The following DAB2IP variants were observed in gnomAD, a reference collection of about 807,000 sequenced individuals.
The protein encoded by DAB2IP is DAB2 interacting protein.
Under a neutral mutation model 107.2 loss-of-function variants are expected in DAB2IP, and 28 were observed. The observed-to-expected ratio is 0.26, with a 90% CI of 0.19 to 0.36. The LOEUF is 0.36. Among genes scored for constraint, DAB2IP ranks in the 10% least tolerant of loss-of-function variants. DAB2IP has a pLI of 1.00. For missense variants in DAB2IP, 1,400 were observed against 1,644.7 expected (o/e 0.85, Z 2.57); for synonymous variants, 755 against 706.4 (o/e 1.07, Z -1.09).
At chr9:121,685,561 T>C (rs1828830494) in intron 2 of DAB2IP, among the ~76,000 whole-genome samples, 1 of 152,234 alleles carries the variant, frequency 6.6e-6, no homozygotes, top group Non-Finnish European at 1.5e-5. Context: ...TCAGCAGGTC[T>C]CCAGCTGGTG....
At chr9:121,735,307 AG>A (rs1831819757) in intron 3 of DAB2IP, among the ~76,000 whole-genome samples, 1 of 152,134 alleles carries the variant, frequency 6.6e-6, no homozygotes, top group Non-Finnish European at 1.5e-5. Flanking sequence ...AGGGCCCAGC[AG>A]GGGATGGAAT....
intron 6 of DAB2IP, 147 bp from the exon 7 acceptor site, chr9:121,763,357 TG>T: frequency 8.6e-7 from 1 of 1,160,558 alleles, no homozygotes; most frequent in Non-Finnish European, 1.2e-6. Context: ...CCCCCAAAGG[TG>T]GGCACACTGT....
At chr9:121,579,030 C>T (rs926934575) in intron 1 of DAB2IP, among the ~76,000 whole-genome samples, 4 of 152,068 alleles carry the variant, frequency 2.6e-5, no homozygotes, top group Non-Finnish European at 5.9e-5. Context: ...CTTACCAGTC[C>T]TCTCGGGTGA....
rs536828198 is a variant in DAB2IP, at chr9:121,775,131, C to G, written c.3120+719C>G. Among the ~76,000 whole-genome samples the G allele has an allele frequency of 5.3e-5, 8 of 152,340 alleles. No individual in the cohort carries two copies. The South Asian group carries it at 1.7e-3, about 32-fold the overall frequency. On this transcript the variant is annotated intron_variant, in intron 13 of 15. Coordinates refer to ENST00000408936, the Ensembl canonical transcript of DAB2IP. ...TGGATCTGGGGGTAGTTTTTGTCTC[C>G]TACTGCCAGCTGCAGTCCATGTAGA...
At chr9:121,697,442 G>T (rs1451871617) in intron 2 of DAB2IP, among the ~76,000 whole-genome samples, 1 of 152,184 alleles carries the variant, frequency 6.6e-6, no homozygotes, top group Admixed American at 6.5e-5. Context: ...CCTATAGCTG[G>T]CAAGAGGCAG....
intron 3 of DAB2IP, among the ~76,000 whole-genome samples, chr9:121,700,605 C>G (rs935451383): frequency 1.3e-5 from 2 of 152,198 alleles, no homozygotes; most frequent in Non-Finnish European, 1.5e-5. Flanking sequence ...CTCCCCTCCC[C>G]CTTGGTTCTA....
rs1829551876 is a variant in DAB2IP at position 121,698,602 on chromosome 9, G to A, written c.229-723G>A. 6.6e-6 allele frequency among the ~76,000 whole-genome samples: 1 copy of A among 152,200 alleles called. No homozygotes were observed. Among genetic ancestry groups the A allele is most frequent in the African/African-American group, 2.4e-5 (1 of 41,456 alleles). On this transcript the variant is annotated intron_variant, in intron 2 of 15. Coordinates refer to ENST00000408936, the Ensembl canonical transcript of DAB2IP. The surrounding 1 kb of genome is among the most constrained non-coding windows in gnomAD (Gnocchi z 4.1). ...AGCACTAGGGATCCCGTCCCGCAAG[G>A]TGGTTGTCCTTGCTGGGGTACATAC... is the stretch of plus-strand genomic sequence containing the variant.
In DAB2IP at chr9:121,776,903, G is replaced by A. The variant is rs201535346; in HGVS notation, c.3314+512G>A. Among the ~76,000 whole-genome samples the A allele has an allele frequency of 1.3e-5, 2 of 152,132 alleles. No homozygotes were observed. Among genetic ancestry groups the A allele is most frequent in the Non-Finnish European group, 2.9e-5 (2 of 68,014 alleles). On this transcript the variant is annotated intron_variant, in intron 14 of 15. Coordinates refer to ENST00000408936, the Ensembl canonical transcript of DAB2IP. The surrounding 1 kb of genome is among the most constrained non-coding windows in gnomAD (Gnocchi z 5.4). ...AACTGTTAAGAGGAGTGGTTTGAGT[G>A]GGGAGGGAGAGGGGGATGGTGCCAG...
chr9:121,688,499 G>A (rs1829004207), intron 2 of DAB2IP, among the ~76,000 whole-genome samples: 1 of 152,108 alleles, frequency 6.6e-6, no homozygotes, highest in Non-Finnish European at 1.5e-5. Context: ...CAGCTTCCAC[G>A]CCTTTGTGTG....
At position 121,702,361 on chromosome 9, in the gene DAB2IP, GT is replaced by G. The variant is rs1333284034; in HGVS notation, c.362+2904del. Among the ~76,000 whole-genome samples, 1 of 152,188 alleles carries G rather than the reference GT, an allele frequency of 6.6e-6. No homozygotes were observed. The highest frequency in any genetic ancestry group is 6.5e-5 in the Admixed American group (1 of 15,280). The stretch of plus-strand genomic sequence containing the variant: ...GTTGCTATCTGGTTGTGAGGCTGGG[GT>G]CAGGCCAGGCAGTGCTTGGTTGGCA... On this transcript the variant is annotated intron_variant, in intron 3 of 15. Coordinates refer to ENST00000408936, the Ensembl canonical transcript of DAB2IP. This position sits in a 1 kb window ranked among gnomAD's most constrained non-coding sequence, Gnocchi z 4.5.
intron 3 of DAB2IP, among the ~76,000 whole-genome samples, chr9:121,738,390 T>C (rs887402992): frequency 6.6e-6 from 1 of 152,222 alleles, no homozygotes; most frequent in Non-Finnish European, 1.5e-5. Flanking sequence ...TCTAAAACTT[T>C]TATTGATCCA....
chr9:121,723,916 G>A (rs1347999989), intron 3 of DAB2IP, among the ~76,000 whole-genome samples: 1 of 152,134 alleles, frequency 6.6e-6, no homozygotes, highest in Non-Finnish European at 1.5e-5. Flanking sequence ...GTCAAATGGG[G>A]CAGAGAGCCC....
At chr9:121,663,926 C>T (rs1022537692) in intron 1 of DAB2IP, among the ~76,000 whole-genome samples, 6 of 152,218 alleles carry the variant, frequency 3.9e-5, no homozygotes, top group African/African-American at 1.4e-4. Context: ...CTGTTTTCAA[C>T]GTTTCCTAGC....
rs1419713779 is a variant in DAB2IP at position 121,699,746 on chromosome 9, C to G, written c.362+288C>G. Among the ~76,000 whole-genome samples, 2 of 152,178 alleles carry G rather than the reference C, an allele frequency of 1.3e-5. No homozygotes were observed. Among genetic ancestry groups the G allele is most frequent in the Non-Finnish European group, 2.9e-5 (2 of 68,014 alleles). On this transcript the variant is annotated intron_variant, in intron 3 of 15. Coordinates refer to ENST00000408936, the Ensembl canonical transcript of DAB2IP. This position sits in a 1 kb window ranked among gnomAD's most constrained non-coding sequence, Gnocchi z 6.2. ...AAGTCCCCTCGCAGGGAAGTCCTGC[C>G]TCGCCTGTCCGAGGTGGGCATTGTT...
Position 121,758,934 on chromosome 9 carries a change from C to T in DAB2IP, c.553C>T (p.Arg185Trp), listed in dbSNP as rs147323804. ...ATCAGGAAGCAAGTGCTTTTCCTGC[C>T]GGTCTGCAGCTGAGCGGGATAAGTG... The change falls in exon 5 of 16, where the codon CGG (arginine) becomes TGG (tryptophan). Residue 185 changes from arginine to tryptophan, a missense_variant. Arg to Trp is a moderately radical substitution (Grantham distance 101, BLOSUM62 -3). Transcript: ENST00000408936. 9.9e-6 allele frequency: 16 copies of T among 1,613,740 alleles called. No individual in the cohort carries two copies. In the African/African-American group the frequency reaches 1.6e-4, roughly 16 times the overall value.
At position 121,760,540 on chromosome 9, in the gene DAB2IP, G is replaced by A; in HGVS notation, c.1170+101G>A. ...CATTTCAGGCCTAACAGAGGCCTTG[G>A]AGGCACCGGTCACTACCAGAAGGGC... is the stretch of plus-strand genomic sequence containing the variant. On this transcript the variant is annotated intron_variant, in intron 6 of 15. Coordinates refer to ENST00000408936, the Ensembl canonical transcript of DAB2IP. The surrounding 1 kb of genome is among the most constrained non-coding windows in gnomAD (Gnocchi z 5.9). 7.3e-7 allele frequency: 1 copy of A among 1,374,918 alleles called. No individual in the cohort carries two copies. The highest frequency in any genetic ancestry group is 1.5e-5 in the South Asian group (1 of 66,186). The allele number at this position is 1,374,918 out of a possible 1,614,324, so 85.2% of individuals were successfully genotyped here.
chr9:121,631,813 TAAAAA>T (rs752400251), intron 1 of DAB2IP, among the ~76,000 whole-genome samples: 2 of 58,888 alleles, frequency 3.4e-5, no homozygotes, highest in African/African-American at 1.4e-4. Context: ...AGACTCCGTC[TAAAAA>T]AAAAAAAAAA....
intron 1 of DAB2IP, among the ~76,000 whole-genome samples, chr9:121,621,527 C>T (rs956664099): frequency 1.3e-5 from 2 of 152,172 alleles, no homozygotes; most frequent in African/African-American, 4.8e-5. Flanking sequence ...CCGGTGCCTG[C>T]CTGTGGATCT....
intron 1 of DAB2IP, among the ~76,000 whole-genome samples, chr9:121,602,874 C>T (rs1318260646): frequency 6.6e-6 from 1 of 152,156 alleles, no homozygotes; most frequent in African/African-American, 2.4e-5. Context: ...CGCGCCTGGC[C>T]AATTTTTTAA....
Sources: gnomAD v4.1 joint callset for allele counts (sites outside exome capture counted in the v4.1 genomes callset) on GRCh38, gnomAD v4.1.1 for gene constraint, Gnocchi (gnomAD v3.1) non-coding constraint, MANE v1.5 for transcripts, NCBI Gene and HGNC (gene_info 2026-07-23, HGNC 2026-07-21) for gene names.